WDR25: variants seen among roughly 807,000 people sequenced by gnomAD.
WDR25 encodes the protein WD repeat domain 25.
Under a neutral mutation model 47.7 loss-of-function variants are expected in WDR25, and 35 were observed. That is an observed-to-expected ratio of 0.73 (90% CI 0.56 to 0.97). The LOEUF is 0.97. Ranked by LOEUF, WDR25 falls within the 50% of genes least tolerant of loss-of-function variation. WDR25 has a pLI of 0.00. For synonymous variants in WDR25, 248 were observed against 278.9 expected, an observed-to-expected ratio of 0.89 and a Z score of 1.10; for missense variants, 634 against 704.7, an observed-to-expected ratio of 0.90 and a Z score of 1.14.
chr14:100,502,189 G>GC lies in WDR25; in HGVS notation c.1101+18071dup, dbSNP rs571859765. 1.3e-3 allele frequency among the ~76,000 whole-genome samples: 202 copies of GC among 152,318 alleles called. 2 individuals are homozygous for GC. Among genetic ancestry groups the GC allele is most frequent in the Non-Finnish European group, 2.1e-3 (145 of 67,994 alleles). ...GATAGTTGTGGGAGGTGCAGGCAGA[G>GC]CCCCCCACTGTGGTGGCCCTTGCCC... is the stretch of plus-strand genomic sequence containing the variant. On this transcript the variant is annotated intron_variant, in intron 4 of 6. Coordinates refer to ENST00000402312, the MANE Select transcript of WDR25 (RefSeq NM_001161476.3). This position sits in a 1 kb window ranked among gnomAD's most constrained non-coding sequence, Gnocchi z 4.5.
At position 100,467,945 on chromosome 14, in the gene WDR25, C is replaced by T; in HGVS notation, c.823-76C>T. On this transcript the variant is annotated intron_variant, in intron 2 of 6. Coordinates refer to ENST00000402312, the MANE Select transcript of WDR25 (RefSeq NM_001161476.3). Reference sequence around the variant, plus strand: ...TAATTCCACCGAGACCTTTTTCTTTCTACAGTGGGGTCGAGCTGAGCCCTG... The same window carrying T: ...TAATTCCACCGAGACCTTTTTCTTTTTACAGTGGGGTCGAGCTGAGCCCTG... The T allele has an allele frequency of 3.2e-6, 5 of 1,575,852 alleles. No homozygotes were observed. The South Asian group carries it at 3.4e-5, about 11-fold the overall frequency.
At chr14:100,516,275 A>T (rs527482843) in intron 4 of WDR25, among the ~76,000 whole-genome samples, 1 of 152,170 alleles carries the variant, frequency 6.6e-6, no homozygotes, top group South Asian at 2.1e-4. Context: ...TACTCTATCC[A>T]ATGCCATGTG....
chr14:100,482,969 T>A (rs1182048041), intron 3 of WDR25, among the ~76,000 whole-genome samples: 1 of 152,156 alleles, frequency 6.6e-6, no homozygotes, highest in Non-Finnish European at 1.5e-5. Context: ...TCTGGCTGGG[T>A]GGCGTGGGGC....
intron 2 of WDR25, among the ~76,000 whole-genome samples, chr14:100,459,865 T>C (rs1007158622): frequency 2.1e-5 from 3 of 143,014 alleles, no homozygotes; most frequent in Non-Finnish European, 4.6e-5. Flanking sequence ...GAAATGGATA[T>C]ATATATATAT....
chr14:100,394,596 A>T (rs529892411), intron 2 of WDR25, among the ~76,000 whole-genome samples: 1 of 152,320 alleles, frequency 6.6e-6, no homozygotes, highest in South Asian at 2.1e-4. Context: ...TAAAAGGTGA[A>T]TGAGGCACAG....
intron 1 of WDR25, among the ~76,000 whole-genome samples, chr14:100,380,140 T>G (rs1896844612): frequency 6.6e-6 from 1 of 151,508 alleles, no homozygotes. Context: ...CTCCACCTCC[T>G]GGGTTCAAGA....
chr14:100,468,022 T>C lies in WDR25; in HGVS notation c.824T>C (p.Val275Ala). ...GGTGCTGTCTGTGTTTGCCTGCAGGTATGGAACGCCGTGGACTCCGGGCAC... is the reference window on the plus strand; with the variant it reads ...GGTGCTGTCTGTGTTTGCCTGCAGGCATGGAACGCCGTGGACTCCGGGCAC... ...LSTSMDKTFKVWNAVDSGHCL... is the reference protein window; with the variant it reads ...LSTSMDKTFKAWNAVDSGHCL... Residue 275 changes from valine (V) to alanine (A), a missense_variant and splice_region_variant, in exon 3 of 7, where the codon GTA becomes GCA. Val to Ala is a moderately conservative substitution (Grantham distance 64). Transcript: ENST00000402312. The surrounding 1 kb of genome is among the most constrained non-coding windows in gnomAD (Gnocchi z 4.5). 6.2e-7 allele frequency: 1 copy of C among 1,612,472 alleles called. No homozygotes were observed. Among genetic ancestry groups the C allele is most frequent in the South Asian group, 1.1e-5 (1 of 91,028 alleles).
rs186879966 is a variant in WDR25 at position 100,404,500 on chromosome 14, C to A, written c.822+22754C>A. On this transcript the variant is annotated intron_variant, in intron 2 of 6. Coordinates refer to ENST00000402312, the MANE Select transcript of WDR25 (RefSeq NM_001161476.3). This position sits in a 1 kb window ranked among gnomAD's most constrained non-coding sequence, Gnocchi z 4.6. ...CATGGGAGGCAGAGCGCACACCCCTCTGGTGTTCCTGGCTGGGAAACAGGG... is the reference window on the plus strand; with the variant it reads ...CATGGGAGGCAGAGCGCACACCCCTATGGTGTTCCTGGCTGGGAAACAGGG... Among the ~76,000 whole-genome samples the A allele has an allele frequency of 1.3e-5, 2 of 152,344 alleles. No homozygotes were observed. Among genetic ancestry groups the A allele is most frequent in the East Asian group, 3.9e-4 (2 of 5,174 alleles).
intron 2 of WDR25, among the ~76,000 whole-genome samples, chr14:100,435,254 T>G (rs1898466229): frequency 6.6e-6 from 1 of 152,190 alleles, no homozygotes. Context: ...CTCCTCCTGC[T>G]GGGGTTCATT....
At chr14:100,434,704 A>G (rs530046731) in intron 2 of WDR25, among the ~76,000 whole-genome samples, 2 of 152,290 alleles carry the variant, frequency 1.3e-5, no homozygotes, top group South Asian at 4.1e-4. Flanking sequence ...AGTTCTATTC[A>G]GAGAGGTGCT....
chr14:100,510,901 C>A (rs1291640229), intron 4 of WDR25, among the ~76,000 whole-genome samples: 1 of 151,672 alleles, frequency 6.6e-6, no homozygotes, highest in Non-Finnish European at 1.5e-5. Context: ...CTGCACTGGC[C>A]CCATTGATTT....
Position 100,507,651 on chromosome 14 carries a change from GT to G in WDR25, c.1102-18204del, listed in dbSNP as rs763908066. On this transcript the variant is annotated intron_variant, in intron 4 of 6. Coordinates refer to ENST00000402312, the MANE Select transcript of WDR25 (RefSeq NM_001161476.3). ...GTTAGATGTATTCCTAGGTATTTGT[GT>G]TTTTTTTTTTTTTTATGGCTGTTGC... Among the ~76,000 whole-genome samples, 745 of 130,700 alleles carry G rather than the reference GT, an allele frequency of 5.7e-3. 2 individuals carry two copies. Among genetic ancestry groups the G allele is most frequent in the African/African-American group, 0.013 (478 of 36,276 alleles). 85.7% of individuals were successfully genotyped at this position (130,700 alleles called of 152,430 possible).
chr14:100,387,980 G>T (rs1897056403), intron 2 of WDR25, among the ~76,000 whole-genome samples: 1 of 152,238 alleles, frequency 6.6e-6, no homozygotes. Flanking sequence ...TATCTTAGAT[G>T]TGCTTTGTAG....
At chr14:100,408,371 C>T (rs1172077781) in intron 2 of WDR25, among the ~76,000 whole-genome samples, 1 of 152,048 alleles carries the variant, frequency 6.6e-6, no homozygotes, top group African/African-American at 2.4e-5. Flanking sequence ...TATTGAGAAC[C>T]CACTTAATTT....
Position 100,529,312 on chromosome 14 carries a change from G to A in WDR25, c.1413+104G>A. 6.5e-7 allele frequency: 1 copy of A among 1,526,944 alleles called. No homozygotes were observed. The highest frequency in any genetic ancestry group is 8.9e-7 in the Non-Finnish European group (1 of 1,127,540). The allele number at this position is 1,526,944 out of a possible 1,614,324, so 94.6% of individuals were successfully genotyped here. ...GGTGCATGGAGCCTCTGTCTGGGTG[G>A]ATCCTGCTTTCTGTTTCCTGGGTGA... On this transcript the variant is annotated intron_variant, in intron 6 of 6. Coordinates refer to ENST00000402312, the MANE Select transcript of WDR25 (RefSeq NM_001161476.3). The surrounding 1 kb of genome is among the most constrained non-coding windows in gnomAD (Gnocchi z 5.1).
At chr14:100,413,118 C>A (rs928905907) in intron 2 of WDR25, among the ~76,000 whole-genome samples, 2 of 152,198 alleles carry the variant, frequency 1.3e-5, no homozygotes, top group Non-Finnish European at 1.5e-5. Context: ...GCATGAGTCA[C>A]CACAACTGGC....
At position 100,381,156 on chromosome 14, in the gene WDR25, C is replaced by T. The variant is rs1051450771; in HGVS notation, c.232C>T (p.Leu78Phe). 5 of 1,614,112 alleles carry T rather than the reference C, an allele frequency of 3.1e-6. No individual in the cohort carries two copies. Among genetic ancestry groups the T allele is most frequent in the African/African-American group, 2.7e-5 (2 of 74,946 alleles). ...CTGTGAAGACCCAGGGGGCTATCGCCTTCCATTGGCTCAGCTTGGGAGAAG... is the reference window on the plus strand; with the variant it reads ...CTGTGAAGACCCAGGGGGCTATCGCTTTCCATTGGCTCAGCTTGGGAGAAG... ...GSCEDPGGYRLPLAQLGRSDW... is the reference protein window; with the variant it reads ...GSCEDPGGYRFPLAQLGRSDW... The change falls in exon 2 of 7, where the codon CTT becomes TTT. Residue 78 changes from leucine (L) to phenylalanine (F), a missense_variant. Leu to Phe is a conservative substitution (Grantham distance 22, BLOSUM62 0). Transcript: ENST00000402312.
chr14:100,512,228 G>A (rs2140365295), intron 4 of WDR25, among the ~76,000 whole-genome samples: 1 of 152,214 alleles, frequency 6.6e-6, no homozygotes, highest in East Asian at 1.9e-4. Flanking sequence ...GTCTTGGCCT[G>A]AAATTTTCTT....
Position 100,472,091 on chromosome 14 carries a change from C to T in WDR25, c.970+3923C>T, listed in dbSNP as rs115811961. Among the ~76,000 whole-genome samples the T allele has an allele frequency of 2.3e-3, 344 of 152,324 alleles. 4 individuals carry two copies. The highest frequency in any genetic ancestry group is 7.6e-3 in the African/African-American group (317 of 41,576). On this transcript the variant is annotated intron_variant, in intron 3 of 6. Transcript: ENST00000402312. ...GGTCCTGTCATGTTTCTTGCAGACT[C>T]CAGGCCCTGAGGCAGGTGTCCCAGC...
Sources: allele counts gnomAD v4.1 joint callset (sites outside exome capture counted in the v4.1 genomes callset), GRCh38; gene constraint gnomAD v4.1.1; non-coding constraint Gnocchi (gnomAD v3.1); transcripts MANE v1.5; gene names NCBI Gene and HGNC (gene_info 2026-07-23, HGNC 2026-07-21).